The following TEX52 variants were observed in gnomAD, a reference collection of about 807,000 sequenced individuals.
The protein encoded by TEX52 is testis expressed 52.
In TEX52, 22 loss-of-function variants were observed where a neutral mutation model predicts 17.6. The ratio of observed to expected loss-of-function variants is 1.25; its 90% confidence interval spans 0.89 to 1.78. The LOEUF is 1.78. Among genes scored for constraint, TEX52 ranks in the 40% most tolerant of loss-of-function variants. The probability of loss-of-function intolerance (pLI) is 0.00; values close to 1 mark genes in which losing one functional copy is unlikely to be tolerated. For synonymous variants in TEX52, 168 were observed against 147.4 expected (o/e 1.14, Z -1.01); for missense variants, 396 against 372.3 (o/e 1.06, Z -0.52).
intron 2 of TEX52, among the ~76,000 whole-genome samples, chr12:2,852,452 G>A (rs139422829): frequency 5.3e-5 from 8 of 151,958 alleles, no homozygotes; most frequent in African/African-American, 1.7e-4. Context: ...CTGCAGCCTC[G>A]ACCTCCTGGG....
chr12:2,849,002 C>T, downstream of TEX52: 2 of 543,878 alleles, frequency 3.7e-6, no homozygotes, highest in Non-Finnish European at 6.4e-6. Flanking sequence ...AGTCCTCCCA[C>T]CTTCGATGAG....
chr12:2,849,929 G>A (rs1448830266), intron 2 of TEX52, among the ~76,000 whole-genome samples: 1 of 152,182 alleles, frequency 6.6e-6, no homozygotes, highest in Non-Finnish European at 1.5e-5. Flanking sequence ...GCGGTATTGG[G>A]TCGAACAGTA....
At chr12:2,852,079 T>A (rs1432837892) in intron 2 of TEX52, among the ~76,000 whole-genome samples, 3 of 152,228 alleles carry the variant, frequency 2.0e-5, no homozygotes, top group Admixed American at 6.5e-5. Flanking sequence ...TATAATCTTA[T>A]GGGACCGCTG....
At chr12:2,851,814 G>T (rs1225818734) in intron 2 of TEX52, among the ~76,000 whole-genome samples, 1 of 152,098 alleles carries the variant, frequency 6.6e-6, no homozygotes, top group African/African-American at 2.4e-5. Flanking sequence ...CAGTAGCTGG[G>T]ATTACAGGCA....
chr12:2,853,987 C>G (rs1197317666), intron 2 of TEX52, among the ~76,000 whole-genome samples: 4 of 152,174 alleles, frequency 2.6e-5, no homozygotes, highest in Non-Finnish European at 4.4e-5. Context: ...TGCACCCCTT[C>G]TCTCCTGAAT....
At chr12:2,856,546 G>A (rs2098087929) in intron 1 of TEX52, among the ~76,000 whole-genome samples, 1 of 152,124 alleles carries the variant, frequency 6.6e-6, no homozygotes, top group Non-Finnish European at 1.5e-5. Flanking sequence ...GGTATTTTTA[G>A]TAGAGACGGT....
chr12:2,851,107 GTGCCGAGATCATACCAT>G (rs2098069502), intron 2 of TEX52, among the ~76,000 whole-genome samples: 1 of 149,608 alleles, frequency 6.7e-6, no homozygotes, highest in African/African-American at 2.5e-5. Flanking sequence ...GCAGTGAGCA[GTGCCGAGATCATACCAT>G]TGCACTCCAG....
chr12:2,849,647 G>A (rs1464028972), intron 2 of TEX52, 122 bp from the exon 3 acceptor site: 1 of 1,125,622 alleles, frequency 8.9e-7, no homozygotes, highest in Non-Finnish European at 1.3e-6. Context: ...TCAGGCGGCA[G>A]GGAATCCCTT....
chr12:2,855,517 C>CT, intron 1 of TEX52, 71 bp from the exon 2 acceptor site: 1 of 1,228,658 alleles, frequency 8.1e-7, no homozygotes, highest in Non-Finnish European at 1.1e-6. Context: ...GTGAGGCACT[C>CT]CGCTCTCCTT....
rs2098083631 is a variant in TEX52, at chr12:2,855,231, G to T, written c.288C>A (p.His96Gln). The T allele has an allele frequency of 6.6e-7, 1 of 1,506,776 alleles. No individual in the cohort carries two copies. Among genetic ancestry groups the T allele is most frequent in the Non-Finnish European group, 8.9e-7 (1 of 1,128,482 alleles). The allele number at this position is 1,506,776 out of a possible 1,614,324, so 93.3% of individuals were successfully genotyped here. A position where few individuals can be genotyped will look rare whatever the true frequency, so the allele number is the denominator to read the frequency against. The change falls in exon 2 of 3, where the codon CAC (histidine) becomes CAA (glutamine). Residue 96 changes from histidine to glutamine, a missense_variant. Physicochemically the swap from His to Gln is conservative, Grantham distance 24. Transcript: ENST00000637658. ...GCAGACGGCACACATCGAGCCACGT[G>T]TGAAAGCCCCAGGTGTGCTGGGCGC... The part of the protein sequence containing the change: ...KGGAQHTWGF[H>Q]TWLDVCRLPA...
At chr12:2,851,539 C>G (rs921064330) in intron 2 of TEX52, among the ~76,000 whole-genome samples, 2 of 151,846 alleles carry the variant, frequency 1.3e-5, no homozygotes, top group Non-Finnish European at 2.9e-5. Context: ...GACAGGGTTT[C>G]GCCATGGTGG....
At position 2,855,265 on chromosome 12, in the gene TEX52, C is replaced by G. The variant is rs771270267; in HGVS notation, c.254G>C (p.Trp85Ser). Reference sequence around the variant, plus strand: ...CCAGGTGTGCTGGGCGCCACCCTTCCAAGGGTGGATGAGCCGCTGACGCAC... The same window carrying G: ...CCAGGTGTGCTGGGCGCCACCCTTCGAAGGGTGGATGAGCCGCTGACGCAC... ...SKVRQRLIHP[W>S]KGGAQHTWGF... The change falls in exon 2 of 3, where the codon TGG (tryptophan) becomes TCG (serine). Residue 85 changes from tryptophan to serine, a missense_variant. Trp to Ser is a radical substitution (Grantham distance 177, BLOSUM62 -3). Transcript: ENST00000637658. 1.3e-6 allele frequency: 2 copies of G among 1,513,810 alleles called. No homozygotes were observed. Among genetic ancestry groups the G allele is most frequent in the Admixed American group, 4.0e-5 (2 of 49,544 alleles). The allele number at this position is 1,513,810 out of a possible 1,614,324, so 93.8% of individuals were successfully genotyped here.
chr12:2,855,496 C>G, intron 1 of TEX52, 50 bp from the exon 2 acceptor site: 1 of 1,348,514 alleles, frequency 7.4e-7, no homozygotes. Context: ...GACAGGGGTG[C>G]AGAAAGGTGG....
chr12:2,854,796 G>A (rs746807232), intron 2 of TEX52, 100 bp downstream of exon 2: 18 of 1,253,606 alleles, frequency 1.4e-5, no homozygotes, highest in Admixed American at 2.7e-5. Context: ...GGCCAGAGCG[G>A]GGAAGGACAG....
intron 2 of TEX52, among the ~76,000 whole-genome samples, 176 bp downstream of exon 2, chr12:2,854,720 G>A (rs974865724): frequency 9.9e-5 from 15 of 152,200 alleles, no homozygotes; most frequent in Admixed American, 7.2e-4. Context: ...GCCTCCACTC[G>A]CTGTTCCTCC....
At chr12:2,851,535 G>A (rs990078687) in intron 2 of TEX52, among the ~76,000 whole-genome samples, 54 of 152,070 alleles carry the variant, frequency 3.6e-4, no homozygotes, top group African/African-American at 1.1e-3. Flanking sequence ...TGGAGACAGG[G>A]TTTCGCCATG....
At chr12:2,854,830 T>C (rs558134880) in intron 2 of TEX52, 66 bp downstream of exon 2, 2 of 1,440,484 alleles carry the variant, frequency 1.4e-6, no homozygotes, top group Admixed American at 2.4e-5. Context: ...AACAGGAACC[T>C]GAGAGAGGGA....
intron 2 of TEX52, 34 bp downstream of exon 2, chr12:2,854,862 G>T (rs571596046): frequency 1.3e-6 from 2 of 1,508,208 alleles, no homozygotes; most frequent in Non-Finnish European, 1.8e-6. Flanking sequence ...GGCAGGGCAG[G>T]CTGGGTGGGC....
chr12:2,851,835 C>A (rs1218309594), intron 2 of TEX52, among the ~76,000 whole-genome samples: 1 of 151,710 alleles, frequency 6.6e-6, no homozygotes, highest in Non-Finnish European at 1.5e-5. Context: ...TGTGCCACCA[C>A]GCCTGACTAA....
Sources: allele counts gnomAD v4.1 joint callset (sites outside exome capture counted in the v4.1 genomes callset), GRCh38; gene constraint gnomAD v4.1.1; transcripts MANE v1.5; gene names NCBI Gene and HGNC (gene_info 2026-07-23, HGNC 2026-07-21).